NAV3: variants seen among roughly 807,000 people sequenced by gnomAD.
The protein encoded by NAV3 is pore membrane and/or filament interacting like protein 1.
NAV3 carries 87 observed loss-of-function variants against 244.7 expected under a neutral mutation model. The observed-to-expected ratio is 0.36, with a 90% CI of 0.30 to 0.42. NAV3 has a LOEUF of 0.42. Among genes scored for constraint, NAV3 ranks in the 20% least tolerant of loss-of-function variants. NAV3 has a pLI of 1.00. For synonymous variants in NAV3, 1,126 were observed against 1,042.2 expected (o/e 1.08, Z -1.55); for missense variants, 2,663 against 2,893.3 (o/e 0.92, Z 1.83).
intron 12 of NAV3, among the ~76,000 whole-genome samples, chr12:78,078,375 C>CTTTTTTTTTTT (rs71088356): frequency 7.4e-5 from 5 of 67,844 alleles, no homozygotes; most frequent in African/African-American, 1.8e-4. Context: ...TCTTTCCACT[C>CTTTTTTTTTTT]TTTTTTTTTT....
intron 2 of NAV3, among the ~76,000 whole-genome samples, chr12:77,723,607 C>A (rs921137844): frequency 2.6e-5 from 4 of 151,896 alleles, no homozygotes; most frequent in Admixed American, 2.6e-4. Context: ...CTTCTCCCTG[C>A]CAGAAATCTG....
At chr12:77,893,990 G>A (rs1286461858) in intron 1 of NAV3, among the ~76,000 whole-genome samples, 1 of 152,086 alleles carries the variant, frequency 6.6e-6, no homozygotes, top group Non-Finnish European at 1.5e-5. Context: ...AGTTATTTTT[G>A]CCTTTCAGTG....
chr12:78,082,983 G>T (rs1953437317), intron 12 of NAV3, among the ~76,000 whole-genome samples: 1 of 152,118 alleles, frequency 6.6e-6, no homozygotes, highest in East Asian at 1.9e-4. Context: ...TACCTATGTT[G>T]AAGCCTGTCT....
chr12:77,868,965 G>T (rs928752265), intron 1 of NAV3, among the ~76,000 whole-genome samples: 2 of 151,918 alleles, frequency 1.3e-5, no homozygotes, highest in Admixed American at 6.6e-5. Flanking sequence ...CCAGCTACTT[G>T]GGAGGCTGAG....
At position 77,657,636 on chromosome 12, in the gene NAV3, C is replaced by T. The variant is rs541434882; in HGVS notation, c.72+85370C>T. Among the ~76,000 whole-genome samples the T allele has an allele frequency of 8.5e-5, 13 of 152,202 alleles. No individual in the cohort carries two copies. In the South Asian group the frequency reaches 1.0e-3, roughly 12 times the overall value. ...GCCAGCATCATCCTGATACCAAAGCCGGGCAGAGATACAACCAAAAAAGAG... is the reference window on the plus strand; with the variant it reads ...GCCAGCATCATCCTGATACCAAAGCTGGGCAGAGATACAACCAAAAAAGAG... On this transcript the variant is annotated intron_variant, in intron 2 of 8. Transcript: ENST00000550042.
Position 78,198,753 on chromosome 12 carries a change from G to T in NAV3, c.6518+77G>T. 6.7e-6 allele frequency: 6 copies of T among 896,594 alleles called. No homozygotes were observed. The South Asian group carries it at 9.2e-5, about 14-fold the overall frequency. 55.5% of individuals were successfully genotyped at this position (896,594 alleles called of 1,614,324 possible). A position where few individuals can be genotyped will look rare whatever the true frequency, so the allele number is the denominator to read the frequency against. On this transcript the variant is annotated intron_variant, in intron 36 of 39. Transcript: ENST00000397909. ...GGGGGCAGGGGAGGGGGTTGGCATT[G>T]TTTCTTCCTGTTTGTTTTTGTGGTT... is the stretch of plus-strand genomic sequence containing the variant.
chr12:77,646,447 G>T (rs1037184701), intron 2 of NAV3, among the ~76,000 whole-genome samples: 1 of 151,908 alleles, frequency 6.6e-6, no homozygotes, highest in Non-Finnish European at 1.5e-5. Context: ...TGAAGCAGAG[G>T]TGAAGAAGGC....
At chr12:78,105,870 A>C (rs1309742716) in intron 12 of NAV3, among the ~76,000 whole-genome samples, 2 of 151,610 alleles carry the variant, frequency 1.3e-5, no homozygotes, top group African/African-American at 4.8e-5. Flanking sequence ...TGAATTTGGC[A>C]TATGATATAA....
intron 39 of NAV3, among the ~76,000 whole-genome samples, chr12:78,206,142 T>A (rs1960278989): frequency 2.0e-5 from 3 of 151,860 alleles, no homozygotes; most frequent in Admixed American, 2.0e-4. Flanking sequence ...CATACAATTT[T>A]AAGAGTTTCA....
intron 2 of NAV3, among the ~76,000 whole-genome samples, chr12:77,667,673 C>G (rs141839555): frequency 2.0e-5 from 3 of 152,100 alleles, no homozygotes; most frequent in African/African-American, 7.2e-5. Context: ...TCTACCCACT[C>G]TGGTAGCTGA....
At chr12:77,584,892 A>C (rs1224965510) in intron 2 of NAV3, among the ~76,000 whole-genome samples, 1 of 152,178 alleles carries the variant, frequency 6.6e-6, no homozygotes, top group Non-Finnish European at 1.5e-5. Context: ...AATTCTGTTT[A>C]AGTTTTGTAA....
chr12:77,826,791 C>A (rs776212298), upstream of NAV3, among the ~76,000 whole-genome samples: 4 of 152,154 alleles, frequency 2.6e-5, no homozygotes, highest in African/African-American at 9.7e-5. Context: ...ACATTATCTA[C>A]GGTAGGCATG....
intron 2 of NAV3, among the ~76,000 whole-genome samples, chr12:77,710,461 T>A (rs1464577622): frequency 6.6e-6 from 1 of 152,208 alleles, no homozygotes; most frequent in Non-Finnish European, 1.5e-5. Flanking sequence ...AATTTGAATC[T>A]ACCAATGTTC....
At chr12:78,135,781 C>T (rs1215040742) in intron 18 of NAV3, among the ~76,000 whole-genome samples, 1 of 152,140 alleles carries the variant, frequency 6.6e-6, no homozygotes, top group Non-Finnish European at 1.5e-5. Flanking sequence ...AAGGAATATG[C>T]TTGAAAGATA....
intron 2 of NAV3, among the ~76,000 whole-genome samples, chr12:77,719,665 T>G (rs1876522577): frequency 6.6e-6 from 1 of 152,148 alleles, no homozygotes; most frequent in East Asian, 1.9e-4. Context: ...TGGTGTATGA[T>G]CCTTTTAATA....
chr12:78,149,619 A>G (rs962867571), intron 22 of NAV3, among the ~76,000 whole-genome samples: 2 of 152,112 alleles, frequency 1.3e-5, no homozygotes, highest in African/African-American at 4.8e-5. Flanking sequence ...AATGGTGTTA[A>G]GAACAGCAGT....
At chr12:77,875,623 A>G (rs1013149299) in intron 1 of NAV3, among the ~76,000 whole-genome samples, 2 of 151,818 alleles carry the variant, frequency 1.3e-5, no homozygotes, top group Non-Finnish European at 2.9e-5. Flanking sequence ...TGAGGAAAAC[A>G]ATTATAATTT....
At chr12:78,011,247 C>T (rs955190532) in intron 8 of NAV3, among the ~76,000 whole-genome samples, 9 of 152,042 alleles carry the variant, frequency 5.9e-5, no homozygotes, top group Non-Finnish European at 8.8e-5. Flanking sequence ...ACAGTTTAAG[C>T]AAAGGGAAAT....
intron 3 of NAV3, among the ~76,000 whole-genome samples, chr12:77,963,987 C>T (rs1296331434): frequency 1.4e-5 from 2 of 140,874 alleles, no homozygotes; most frequent in Non-Finnish European, 3.1e-5. Context: ...CCTCCTCCCT[C>T]CTCCTCCCTC....
Sources: gnomAD v4.1 joint callset for allele counts (sites outside exome capture counted in the v4.1 genomes callset) on GRCh38, gnomAD v4.1.1 for gene constraint, MANE v1.5 for transcripts, NCBI Gene and HGNC (gene_info 2026-07-23, HGNC 2026-07-21) for gene names.